Variants in ASTN2 observed in about 807,000 individuals in gnomAD.
ASTN2 encodes astrotactin 2, also known as astrotactin-2.
Under a neutral mutation model 139.8 loss-of-function variants are expected in ASTN2, and 54 were observed. The observed-to-expected ratio is 0.39, with a 90% confidence interval of 0.31 to 0.48. The LOEUF (loss-of-function observed/expected upper bound fraction) is 0.48. Ranked by LOEUF, ASTN2 falls within the 20% of genes least tolerant of loss-of-function variation. The probability of loss-of-function intolerance (pLI) is 0.95; values close to 1 mark genes in which losing one functional copy is unlikely to be tolerated. For missense variants in ASTN2, 1,565 were observed against 1,725.1 expected (o/e 0.91, Z 1.64); for synonymous variants, 756 against 719.5 (o/e 1.05, Z -0.81).
chr9:117,010,651 C>T (rs908568213), intron 6 of ASTN2, among the ~76,000 whole-genome samples: 24 of 151,612 alleles, frequency 1.6e-4, no homozygotes, highest in African/African-American at 5.6e-4. Context: ...ATGCATTTGT[C>T]TTAGGTCAGA....
chr9:116,510,154 T>C (rs59398273), intron 19 of ASTN2, among the ~76,000 whole-genome samples: 1,873 of 152,340 alleles, frequency 0.012, 34 homozygotes, highest in African/African-American at 0.043. Context: ...AACATTTAAG[T>C]CTTTAATCCA....
intron 19 of ASTN2, chr9:116,613,050 G>T (rs750529134): frequency 2.6e-5 from 4 of 151,994 alleles, no homozygotes; most frequent in East Asian, 1.9e-4. Context: ...TATCACCACC[G>T]ATCCCACAGA....
chr9:116,679,016 T>C (rs1248356599), intron 16 of ASTN2, among the ~76,000 whole-genome samples: 2 of 152,190 alleles, frequency 1.3e-5, no homozygotes, highest in African/African-American at 4.8e-5. Context: ...TCTGGGTAAA[T>C]GGCAGGCAAG....
intron 10 of ASTN2, among the ~76,000 whole-genome samples, chr9:116,971,985 T>G (rs1928987): frequency 2.0e-5 from 3 of 152,010 alleles, no homozygotes; most frequent in African/African-American, 7.3e-5. Context: ...ATAAACTTTA[T>G]GTTTAATCAA....
intron 7 of ASTN2, among the ~76,000 whole-genome samples, chr9:117,005,215 G>A (rs1045409040): frequency 2.1e-5 from 3 of 145,034 alleles, no homozygotes; most frequent in African/African-American, 7.6e-5. Context: ...CCTCTGAGTA[G>A]CTAGGACTAC....
chr9:116,799,538 T>C (rs4837887), intron 13 of ASTN2, among the ~76,000 whole-genome samples: 127,656 of 152,034 alleles, frequency 0.84, 53,811 homozygotes, highest in East Asian at 0.98. Context: ...TCTACCACTG[T>C]AATTTGCTCA....
intron 16 of ASTN2, among the ~76,000 whole-genome samples, chr9:116,662,627 A>C (rs1259207668): frequency 6.6e-6 from 1 of 152,178 alleles, no homozygotes; most frequent in Non-Finnish European, 1.5e-5. Context: ...AGCCACCCAA[A>C]ACATGCCAGT....
chr9:117,256,171 C>T (rs1271679214), intron 2 of ASTN2, among the ~76,000 whole-genome samples: 4 of 152,128 alleles, frequency 2.6e-5, no homozygotes, highest in Non-Finnish European at 5.9e-5. Context: ...AGTTGCAGAG[C>T]TCAACTCATG....
intron 19 of ASTN2, among the ~76,000 whole-genome samples, chr9:116,502,682 AGAAG>A (rs60618068): frequency 0.046 from 4,459 of 96,350 alleles, 199 homozygotes; most frequent in Non-Finnish European, 0.057. Context: ...AAGAAAGGAA[AGAAG>A]GAAGGAAGGA....
chr9:117,052,885 T>C (rs942619256), intron 5 of ASTN2, among the ~76,000 whole-genome samples: 2 of 152,204 alleles, frequency 1.3e-5, no homozygotes, highest in South Asian at 2.1e-4. Context: ...AAACAGAATA[T>C]AGACAGGTGG....
At chr9:117,202,907 G>A (rs1285835502) in intron 3 of ASTN2, among the ~76,000 whole-genome samples, 2 of 152,090 alleles carry the variant, frequency 1.3e-5, no homozygotes, top group African/African-American at 4.8e-5. Context: ...AAGTTCTCCT[G>A]AATATATATC....
intron 11 of ASTN2, among the ~76,000 whole-genome samples, chr9:116,851,243 A>T (rs542699372): frequency 3.9e-5 from 6 of 152,262 alleles, no homozygotes; most frequent in Admixed American, 2.0e-4. Context: ...AAAAAACATG[A>T]TTAGCATAAA....
intron 10 of ASTN2, among the ~76,000 whole-genome samples, chr9:116,904,516 G>A (rs1346276388): frequency 1.3e-5 from 2 of 152,142 alleles, no homozygotes; most frequent in African/African-American, 4.8e-5. Flanking sequence ...TGGGACCTCA[G>A]ACAATTTACT....
At chr9:117,109,347 TAAATAAATAA>T (rs58464993) in intron 4 of ASTN2, among the ~76,000 whole-genome samples, 33,299 of 101,522 alleles carry the variant, frequency 0.33, 5,018 homozygotes, top group African/African-American at 0.46. Context: ...AATAAATAAA[TAAATAAATAA>T]AAATAAATAA....
intron 13 of ASTN2, among the ~76,000 whole-genome samples, chr9:116,790,955 AAAAGAAAGAAGG>A (rs1830517199): frequency 2.0e-5 from 2 of 99,702 alleles, no homozygotes; most frequent in African/African-American, 3.9e-5. Context: ...AGAAAGAAAG[AAAAGAAAGAAGG>A]AAAGAAAGAA....
intron 7 of ASTN2, among the ~76,000 whole-genome samples, chr9:116,981,388 T>C (rs1836509717): frequency 6.6e-6 from 1 of 152,178 alleles, no homozygotes; most frequent in Admixed American, 6.5e-5. Flanking sequence ...ACATCCAAGA[T>C]AGGTATTTGC....
intron 7 of ASTN2, among the ~76,000 whole-genome samples, chr9:116,993,413 T>C (rs1249063470): frequency 6.6e-6 from 1 of 151,948 alleles, no homozygotes; most frequent in African/African-American, 2.4e-5. Context: ...TGCTCAAATT[T>C]GCAACCATTT....
intron 10 of ASTN2, among the ~76,000 whole-genome samples, chr9:116,934,341 G>A (rs1669055526): frequency 6.6e-6 from 1 of 152,062 alleles, no homozygotes; most frequent in African/African-American, 2.4e-5. Flanking sequence ...TGCAACTAAT[G>A]CACACAAAAC....
chr9:117,355,071 T>C (rs1829500193), intron 1 of ASTN2, among the ~76,000 whole-genome samples: 1 of 152,218 alleles, frequency 6.6e-6, no homozygotes, highest in South Asian at 2.1e-4. Flanking sequence ...GAACACCTTA[T>C]TAAAATGAAC....
Sources: allele counts gnomAD v4.1 joint callset (sites outside exome capture counted in the v4.1 genomes callset), GRCh38; gene constraint gnomAD v4.1.1; transcripts MANE v1.5; gene names NCBI Gene and HGNC (gene_info 2026-07-23, HGNC 2026-07-21).